The following PEX14 variants were observed in gnomAD, a reference collection of about 807,000 sequenced individuals.
The protein encoded by PEX14 is peroxisomal membrane protein PEX14.
PEX14 carries 15 observed loss-of-function variants against 49.5 expected under a neutral mutation model. The ratio of observed to expected loss-of-function variants is 0.30; its 90% CI spans 0.20 to 0.47. The LOEUF (loss-of-function observed/expected upper bound fraction) is 0.47, where lower values mean the gene tolerates loss of function less well. Ranked by LOEUF, PEX14 falls within the 20% of genes least tolerant of loss-of-function variation. PEX14 has a pLI of 1.00. For missense variants in PEX14, 398 were observed against 494.8 expected (o/e 0.80, Z 1.86); for synonymous variants, 210 against 212.7 (o/e 0.99, Z 0.11).
At chr1:10,533,439 C>T (rs529028073) in intron 2 of PEX14, among the ~76,000 whole-genome samples, 61 of 152,246 alleles carry the variant, frequency 4.0e-4, no homozygotes, top group Non-Finnish European at 6.5e-4. Flanking sequence ...GTCAAATTCC[C>T]GTTAAAATAA....
In PEX14 at chr1:10,512,161, T is replaced by C. The variant is rs1462823405; in HGVS notation, c.84+16840T>C. ...TTTTAGTAGAGACAGGGTTTCACCA[T>C]GTTAGCCAGGATGGTCTCGACCTCC... On this transcript the variant is annotated intron_variant, in intron 2 of 8. Transcript: ENST00000356607. The surrounding 1 kb of genome is among the most constrained non-coding windows in gnomAD (Gnocchi z 4.6). 6.6e-6 allele frequency among the ~76,000 whole-genome samples: 1 copy of C among 152,146 alleles called. No individual in the cohort carries two copies. Among genetic ancestry groups the C allele is most frequent in the Non-Finnish European group, 1.5e-5 (1 of 68,024 alleles).
At chr1:10,577,345 C>T (rs1570294503) in intron 3 of PEX14, among the ~76,000 whole-genome samples, 1 of 134,352 alleles carries the variant, frequency 7.4e-6, no homozygotes, top group South Asian at 2.4e-4. Flanking sequence ...TTCAGTGAGC[C>T]GAGATTGTGC....
rs966833343 is a variant in PEX14 at position 10,484,830 on chromosome 1, G to C, written c.36+9828G>C. Among the ~76,000 whole-genome samples the C allele has an allele frequency of 2.0e-5, 3 of 151,632 alleles. 1 individual carries two copies. The highest frequency in any genetic ancestry group is 7.3e-5 in the African/African-American group (3 of 40,994). ...AGTGTGTTACTGTCAGCCAGCGGCC[G>C]CCCTCAGTTTCTTGCCAAATGAGTC... On this transcript the variant is annotated intron_variant, in intron 1 of 8. Transcript: ENST00000356607.
chr1:10,614,728 G>A (rs1252464737), intron 4 of PEX14, among the ~76,000 whole-genome samples: 2 of 152,258 alleles, frequency 1.3e-5, no homozygotes, highest in African/African-American at 4.8e-5. Flanking sequence ...GCCCCGTTCT[G>A]CACTTGTTCT....
At chr1:10,530,586 G>A (rs1638619844) in intron 2 of PEX14, among the ~76,000 whole-genome samples, 1 of 152,188 alleles carries the variant, frequency 6.6e-6, no homozygotes, top group Non-Finnish European at 1.5e-5. Context: ...TGGTTTCGGG[G>A]AGCCTGTTCC....
intron 2 of PEX14, among the ~76,000 whole-genome samples, chr1:10,507,596 C>T (rs1641806143): frequency 1.3e-5 from 2 of 152,146 alleles, no homozygotes; most frequent in South Asian, 2.1e-4. Context: ...TAGCAAGGTG[C>T]TATGCCCCTG....
chr1:10,583,146 C>T (rs565505217), intron 3 of PEX14, among the ~76,000 whole-genome samples: 1 of 152,140 alleles, frequency 6.6e-6, no homozygotes, highest in African/African-American at 2.4e-5. Flanking sequence ...CTCCGTACCC[C>T]TCCGGACCTC....
chr1:10,600,989 C>T (rs984373641), intron 4 of PEX14, among the ~76,000 whole-genome samples: 2 of 151,572 alleles, frequency 1.3e-5, no homozygotes, highest in South Asian at 2.1e-4. Context: ...AGGCCGGGCG[C>T]GGTGGCTCAC....
At chr1:10,487,426 C>T (rs187990496) in intron 1 of PEX14, among the ~76,000 whole-genome samples, 80 of 147,054 alleles carry the variant, frequency 5.4e-4, no homozygotes, top group East Asian at 2.2e-3. Context: ...GCCATCTGGA[C>T]GTAGAGTTTT....
chr1:10,543,885 C>G (rs1639092920), intron 3 of PEX14, among the ~76,000 whole-genome samples: 1 of 152,160 alleles, frequency 6.6e-6, no homozygotes, highest in Non-Finnish European at 1.5e-5. Flanking sequence ...CAGACATGAA[C>G]CACGGCACCT....
intron 3 of PEX14, among the ~76,000 whole-genome samples, chr1:10,591,623 C>A (rs1640668960): frequency 6.8e-6 from 1 of 146,004 alleles, no homozygotes; most frequent in African/African-American, 2.6e-5. Flanking sequence ...CCTTTTCTTT[C>A]AGGTATACAC....
intron 3 of PEX14, among the ~76,000 whole-genome samples, chr1:10,586,230 G>T (rs977144150): frequency 6.6e-6 from 1 of 152,108 alleles, no homozygotes; most frequent in South Asian, 2.1e-4. Context: ...ATTCAGTCTC[G>T]GTCGTTGTCA....
intron 3 of PEX14, among the ~76,000 whole-genome samples, chr1:10,557,142 A>G (rs1355342848): frequency 6.6e-6 from 1 of 152,080 alleles, no homozygotes; most frequent in Non-Finnish European, 1.5e-5. Context: ...CAATTTTAGT[A>G]ACTGCCTTGT....
intron 2 of PEX14, among the ~76,000 whole-genome samples, chr1:10,508,473 G>A (rs1019233495): frequency 3.7e-4 from 57 of 152,332 alleles, no homozygotes; most frequent in Admixed American, 3.3e-3. Flanking sequence ...TTACAGGCGT[G>A]AGCTGCCGCG....
At chr1:10,516,519 C>G (rs1570188475) in intron 2 of PEX14, among the ~76,000 whole-genome samples, 2 of 152,200 alleles carry the variant, frequency 1.3e-5, no homozygotes. Flanking sequence ...TCTCAAATCT[C>G]CTGCCTGAAA....
At chr1:10,530,292 C>G (rs1002412703) in intron 2 of PEX14, among the ~76,000 whole-genome samples, 5 of 152,174 alleles carry the variant, frequency 3.3e-5, no homozygotes, top group Non-Finnish European at 7.3e-5. Flanking sequence ...TGAACCAGCC[C>G]GTGATATGTA....
rs1237539683 is a variant in PEX14, at chr1:10,518,150, A to G, written c.85-18063A>G. Among the ~76,000 whole-genome samples, 5 of 151,596 alleles carry G rather than the reference A, an allele frequency of 3.3e-5. No individual in the cohort carries two copies. In the South Asian group the frequency reaches 1.0e-3, roughly 32 times the overall value. On this transcript the variant is annotated intron_variant, in intron 2 of 8. Coordinates refer to ENST00000356607, the MANE Select transcript of PEX14 (RefSeq NM_004565.3). ...GTGCTTTTTCGCTCTCCTCTCCTTAAAAAAAAAGTATCCCTCTTTGCTTCT... is the reference window on the plus strand; with the variant it reads ...GTGCTTTTTCGCTCTCCTCTCCTTAGAAAAAAAGTATCCCTCTTTGCTTCT...
chr1:10,542,700 G>A (rs1051386979), intron 3 of PEX14, among the ~76,000 whole-genome samples: 1 of 151,892 alleles, frequency 6.6e-6, no homozygotes, highest in South Asian at 2.1e-4. Context: ...GACAAAGGTT[G>A]CAGTGAGCCG....
At chr1:10,569,168 T>G (rs1256769039) in intron 3 of PEX14, among the ~76,000 whole-genome samples, 1 of 152,224 alleles carries the variant, frequency 6.6e-6, no homozygotes, top group Non-Finnish European at 1.5e-5. Flanking sequence ...CATGCTTTAG[T>G]AAAATCATGA....
Sources: gnomAD v4.1 joint callset for allele counts (sites outside exome capture counted in the v4.1 genomes callset) on GRCh38, gnomAD v4.1.1 for gene constraint, Gnocchi (gnomAD v3.1) non-coding constraint, MANE v1.5 for transcripts, NCBI Gene and HGNC (gene_info 2026-07-23, HGNC 2026-07-21) for gene names.